The following LRRC37A2 variants were observed in gnomAD, a reference collection of about 807,000 sequenced individuals.
The protein encoded by LRRC37A2 is leucine rich repeat containing 37 member A2.
A neutral mutation model predicts 68.8 loss-of-function variants in LRRC37A2; 9 were observed. The observed-to-expected ratio is 0.13, with a 90% CI of 0.08 to 0.23. The LOEUF (loss-of-function observed/expected upper bound fraction) is 0.23. Ranked by LOEUF, LRRC37A2 falls within the 10% of genes least tolerant of loss-of-function variation. LRRC37A2 has a pLI of 1.00. For synonymous variants in LRRC37A2, 63 were observed against 367.6 expected (o/e 0.17, Z 9.48); for missense variants, 168 against 950.4 (o/e 0.18, Z 10.82).
the LRRC37A2 span, among the ~76,000 whole-genome samples, chr17:46,771,830 G>A: frequency 9.9e-5 from 14 of 141,770 alleles, no homozygotes; most frequent in Non-Finnish European, 1.5e-4. Context: ...GCCGCGCGGT[G>A]GGGGGGCGGT....
the LRRC37A2 span, among the ~76,000 whole-genome samples, chr17:46,908,724 G>A: frequency 2.0e-5 from 3 of 152,138 alleles, no homozygotes; most frequent in African/African-American, 7.2e-5. Flanking sequence ...TGCACCTTCC[G>A]GAGACTCAGT....
intron 6 of LRRC37A2, among the ~76,000 whole-genome samples, chr17:46,533,027 C>T (rs942561105): frequency 8.3e-5 from 10 of 121,104 alleles, no homozygotes; most frequent in South Asian, 5.8e-4. Context: ...CACTTGAGCC[C>T]GGGAGATCGG....
chr17:46,944,127 A>G, the LRRC37A2 span, among the ~76,000 whole-genome samples: 1 of 152,214 alleles, frequency 6.6e-6, no homozygotes. Flanking sequence ...TCCTCAGAAG[A>G]CAGTGGCTGA....
chr17:47,043,625 T>C, the LRRC37A2 span, among the ~76,000 whole-genome samples: 2 of 150,218 alleles, frequency 1.3e-5, no homozygotes, highest in East Asian at 1.9e-4. Flanking sequence ...AGTGGGAGTA[T>C]GGTTTTGACC....
chr17:46,912,520 C>T, the LRRC37A2 span, among the ~76,000 whole-genome samples: 148 of 152,298 alleles, frequency 9.7e-4, no homozygotes, highest in African/African-American at 3.4e-3. Flanking sequence ...GTTATGGCTA[C>T]ATGAGACAAT....
chr17:46,970,394 A>C, the LRRC37A2 span, among the ~76,000 whole-genome samples: 1 of 152,112 alleles, frequency 6.6e-6, no homozygotes, highest in Admixed American at 6.6e-5. Flanking sequence ...TGCAAAAATT[A>C]GCTGGGAGTG....
the LRRC37A2 span, among the ~76,000 whole-genome samples, chr17:46,783,826 AAG>A: frequency 6.6e-6 from 1 of 152,186 alleles, no homozygotes; most frequent in Non-Finnish European, 1.5e-5. Flanking sequence ...CCACACAGAG[AAG>A]CAGAGGAGGG....
At chr17:46,922,130 A>G in the LRRC37A2 span, among the ~76,000 whole-genome samples, 1 of 152,266 alleles carries the variant, frequency 6.6e-6, no homozygotes, top group Non-Finnish European at 1.5e-5. Flanking sequence ...TGGCATATAT[A>G]CACCATGGAA....
chr17:46,888,629 A>G, the LRRC37A2 span, among the ~76,000 whole-genome samples: 2 of 152,094 alleles, frequency 1.3e-5, no homozygotes, highest in Non-Finnish European at 2.9e-5. Flanking sequence ...CTCTTCTAGA[A>G]TCAGCTGTCT....
At chr17:46,737,219 A>C in the LRRC37A2 span, among the ~76,000 whole-genome samples, 1 of 152,204 alleles carries the variant, frequency 6.6e-6, no homozygotes, top group Non-Finnish European at 1.5e-5. Context: ...GGCACAGGTC[A>C]AGTAGCAAAT....
At chr17:47,047,680 G>C in the LRRC37A2 span, among the ~76,000 whole-genome samples, 2 of 151,780 alleles carry the variant, frequency 1.3e-5, no homozygotes, top group South Asian at 2.1e-4. Context: ...ATACGGTTTC[G>C]GTTTTTCTGT....
the LRRC37A2 span, among the ~76,000 whole-genome samples, chr17:46,489,763 C>T: frequency 6.0e-5 from 9 of 149,878 alleles, no homozygotes; most frequent in Non-Finnish European, 1.2e-4. Flanking sequence ...GCTGGGATTA[C>T]AGGCGTGAGC....
the LRRC37A2 span, chr17:46,940,615 C>A: frequency 6.2e-7 from 1 of 1,614,110 alleles, no homozygotes; most frequent in Non-Finnish European, 8.5e-7. Context: ...AGCAGCTGAG[C>A]CATTTGTTCT....
chr17:47,026,288 T>A, the LRRC37A2 span, among the ~76,000 whole-genome samples: 1 of 152,100 alleles, frequency 6.6e-6, no homozygotes, highest in African/African-American at 2.4e-5. Context: ...TGAGTACCCG[T>A]AGAGTACAAG....
the LRRC37A2 span, among the ~76,000 whole-genome samples, chr17:46,891,841 A>C: frequency 6.6e-6 from 1 of 151,630 alleles, no homozygotes; most frequent in Non-Finnish European, 1.5e-5. Context: ...CTCTGTTTCT[A>C]GTGAAGGTTA....
the LRRC37A2 span, chr17:47,019,048 C>T: frequency 1.4e-6 from 2 of 1,418,916 alleles, no homozygotes; most frequent in Non-Finnish European, 2.0e-6. Flanking sequence ...ACCATCACTC[C>T]AGAACCCACT....
the LRRC37A2 span, among the ~76,000 whole-genome samples, chr17:46,390,291 G>A: frequency 1.2e-5 from 1 of 85,690 alleles, no homozygotes; most frequent in African/African-American, 3.3e-5. Flanking sequence ...TGGGGGAAGC[G>A]CCTTGACTAA....
the LRRC37A2 span, among the ~76,000 whole-genome samples, chr17:46,496,351 C>G: frequency 2.0e-5 from 3 of 148,176 alleles, no homozygotes; most frequent in Non-Finnish European, 4.4e-5. Flanking sequence ...TGCCTGTAAT[C>G]CCAGCACTTT....
At chr17:46,751,990 T>C in the LRRC37A2 span, among the ~76,000 whole-genome samples, 4 of 152,164 alleles carry the variant, frequency 2.6e-5, no homozygotes, top group African/African-American at 7.2e-5. Context: ...AGGTTATTGA[T>C]GGAGAAGGGA....
Sources: gnomAD v4.1 joint callset for allele counts (sites outside exome capture counted in the v4.1 genomes callset) on GRCh38, gnomAD v4.1.1 for gene constraint, MANE v1.5 for transcripts, NCBI Gene and HGNC (gene_info 2026-07-23, HGNC 2026-07-21) for gene names.